Variants in IFITM1 observed in about 807,000 individuals in gnomAD.
IFITM1 encodes the protein interferon induced transmembrane protein 1, also known as interferon-induced transmembrane protein 1.
A neutral mutation model predicts 4.0 loss-of-function variants in IFITM1; 1 was observed. The ratio of observed to expected loss-of-function variants is 0.25; its 90% CI spans 0.09 to 1.18. IFITM1 has a LOEUF of 1.18. Ranked by LOEUF, IFITM1 falls within the 50% of genes most tolerant of loss-of-function variation. The pLI is 0.50. For synonymous variants in IFITM1, 79 were observed against 69.7 expected, an observed-to-expected ratio of 1.13 and a Z score of -0.67; for missense variants, 131 against 163.2, an observed-to-expected ratio of 0.80 and a Z score of 1.08.
In IFITM1 at chr11:314,491, C is replaced by T; in HGVS notation, c.186+135C>T. The T allele has an allele frequency of 2.0e-6, 2 of 1,016,680 alleles. No homozygotes were observed. The highest frequency in any genetic ancestry group is 1.5e-6 in the Non-Finnish European group (1 of 648,982). The allele number at this position is 1,016,680 out of a possible 1,614,324, so 63.0% of individuals were successfully genotyped here. On this transcript the variant is annotated intron_variant, in intron 1 of 1. Transcript: ENST00000408968. The surrounding 1 kb of genome is among the most constrained non-coding windows in gnomAD (Gnocchi z 4.5). ...TGTGCACCTCTGCCCCGTGTGTGCT[C>T]ACGTCAGTAGCTTTGTCTGTGTGAT...
At position 314,048 on chromosome 11, in the gene IFITM1, A is replaced by T. The variant is rs1328863551; in HGVS notation, c.-123A>T. The T allele has an allele frequency of 6.8e-6, 5 of 735,140 alleles. No individual in the cohort carries two copies. The highest frequency in any genetic ancestry group is 1.2e-5 in the Non-Finnish European group (5 of 428,294). The allele number at this position is 735,140 out of a possible 1,614,324, so 45.5% of individuals were successfully genotyped here. A position where few individuals can be genotyped will look rare whatever the true frequency, so the allele number is the denominator to read the frequency against. On this transcript the variant is annotated 5_prime_UTR_variant, in exon 1 of 2. Coordinates refer to ENST00000408968, the MANE Select transcript of IFITM1 (RefSeq NM_003641.5). This position sits in a 1 kb window ranked among gnomAD's most constrained non-coding sequence, Gnocchi z 4.5. ...CACACTTCTGAGAAACTGAAACGACAGGGGAAAGGAGGTCTCACTGAGCAC... is the reference window on the plus strand; with the variant it reads ...CACACTTCTGAGAAACTGAAACGACTGGGGAAAGGAGGTCTCACTGAGCAC...
Position 315,133 on chromosome 11 carries a change from AC to A in IFITM1, c.*22del. On this transcript the variant is annotated 3_prime_UTR_variant, in exon 2 of 2. Transcript: ENST00000408968. ...TACTAGTAGCCGCCCATAGCCTGCA[AC>A]CTTTGCACTCCACTGTGCAATGCTG... 1.2e-6 allele frequency: 2 copies of A among 1,611,830 alleles called. No homozygotes were observed. The highest frequency in any genetic ancestry group is 1.7e-6 in the Non-Finnish European group (2 of 1,178,458).
chr11:314,110 C>G lies in IFITM1; in HGVS notation c.-61C>G, dbSNP rs1469091061. 3.9e-6 allele frequency: 6 copies of G among 1,520,246 alleles called. No homozygotes were observed. The East Asian group carries it at 9.1e-5, about 23-fold the overall frequency. 94.2% of individuals were successfully genotyped at this position (1,520,246 alleles called of 1,614,324 possible). A position where few individuals can be genotyped will look rare whatever the true frequency, so the allele number is the denominator to read the frequency against. On this transcript the variant is annotated 5_prime_UTR_variant, in exon 1 of 2. Coordinates refer to ENST00000408968, the MANE Select transcript of IFITM1 (RefSeq NM_003641.5). This position sits in a 1 kb window ranked among gnomAD's most constrained non-coding sequence, Gnocchi z 4.5. ...CCGGACACCACAGCGGCCCTTCGCT[C>G]CACGCAGAAAACCACACTTCTCAAA...
rs1316349684 is a variant in IFITM1, at chr11:314,277, A to G, written c.107A>G (p.His36Arg). Residue 36 changes from histidine to arginine, a missense_variant, in exon 1 of 2, where the codon CAT (histidine) becomes CGT (arginine). His to Arg is a conservative substitution (Grantham distance 29). This residue lies in a region of IFITM1 where 77 missense variants were observed against 80.1 expected (regional missense o/e 0.96). Transcript: ENST00000408968. The surrounding 1 kb of genome is among the most constrained non-coding windows in gnomAD (Gnocchi z 4.5). ...CACAGCGAGACCTCCGTGCCCGACC[A>G]TGTCGTCTGGTCCCTGTTCAACACC... ...NIHSETSVPD[H>R]VVWSLFNTLF... The G allele has an allele frequency of 1.9e-6, 3 of 1,613,640 alleles. No homozygotes were observed. Among genetic ancestry groups the G allele is most frequent in the East Asian group, 2.2e-5 (1 of 44,854 alleles).
chr11:314,352 T>C lies in IFITM1; in HGVS notation c.182T>C (p.Val61Ala). ...CLGFIAFAYS[V>A]KSRDRKMVGD... ...GGCTTCATAGCATTCGCCTACTCCG[T>C]GAAGGTGCGTATGGCCCTGGCGGAA... Residue 61 changes from valine to alanine, a missense_variant, in exon 1 of 2, where the codon GTG (valine) becomes GCG (alanine). This residue lies in a region of IFITM1 where 77 missense variants were observed against 80.1 expected (regional missense o/e 0.96). Transcript: ENST00000408968. This position sits in a 1 kb window ranked among gnomAD's most constrained non-coding sequence, Gnocchi z 4.5. 1.2e-6 allele frequency: 2 copies of C among 1,613,922 alleles called. No individual in the cohort carries two copies. The highest frequency in any genetic ancestry group is 1.7e-6 in the Non-Finnish European group (2 of 1,179,836).
chr11:314,517 C>CTGTG lies in IFITM1; in HGVS notation c.186+172_186+175dup. The CTGTG allele has an allele frequency of 1.1e-6, 1 of 898,816 alleles. No individual in the cohort carries two copies. Among genetic ancestry groups the CTGTG allele is most frequent in the Non-Finnish European group, 1.8e-6 (1 of 549,912 alleles). 55.7% of individuals were successfully genotyped at this position (898,816 alleles called of 1,614,324 possible). A position where few individuals can be genotyped will look rare whatever the true frequency, so the allele number is the denominator to read the frequency against. On this transcript the variant is annotated intron_variant, in intron 1 of 1. Transcript: ENST00000408968. This position sits in a 1 kb window ranked among gnomAD's most constrained non-coding sequence, Gnocchi z 4.5. ...ACGTCAGTAGCTTTGTCTGTGTGATCTGTGTGTGTGTGTGGCTTTGGGGAA... is the reference window on the plus strand; with the variant it reads ...ACGTCAGTAGCTTTGTCTGTGTGATCTGTGTGTGTGTGTGTGTGGCTTTGGGGAA...
At position 314,183 on chromosome 11, in the gene IFITM1, G is replaced by A. The variant is rs1295235352; in HGVS notation, c.13G>A (p.Glu5Lys). ...CCAAAGCCAGAAGATGCACAAGGAGGAACATGAGGTGGCTGTGCTGGGGCC... is the reference window on the plus strand; with the variant it reads ...CCAAAGCCAGAAGATGCACAAGGAGAAACATGAGGTGGCTGTGCTGGGGCC... MHKEEHEVAVLGPPP... is the reference protein window; with the variant it reads MHKEKHEVAVLGPPP... The change falls in exon 1 of 2, where the codon GAA (glutamate) becomes AAA (lysine). Residue 5 changes from glutamate (E) to lysine (K), a missense_variant. By Grantham distance (56) the Glu-to-Lys change is moderately conservative (BLOSUM62 1). Coordinates refer to ENST00000408968, the MANE Select transcript of IFITM1 (RefSeq NM_003641.5). The surrounding 1 kb of genome is among the most constrained non-coding windows in gnomAD (Gnocchi z 4.5). 3 of 1,613,974 alleles carry A rather than the reference G, an allele frequency of 1.9e-6. No individual in the cohort carries two copies. The highest frequency in any genetic ancestry group is 1.7e-5 in the Admixed American group (1 of 60,016).
Position 315,126 on chromosome 11 carries a change from G to T in IFITM1, c.*13G>T, listed in dbSNP as rs966011432. The T allele has an allele frequency of 2.6e-5, 42 of 1,613,134 alleles. No homozygotes were observed. Among genetic ancestry groups the T allele is most frequent in the Non-Finnish European group, 3.2e-5 (38 of 1,179,344 alleles). ...ACGGGGTTACTAGTAGCCGCCCATA[G>T]CCTGCAACCTTTGCACTCCACTGTG... On this transcript the variant is annotated 3_prime_UTR_variant, in exon 2 of 2. Transcript: ENST00000408968.
rs765582294 is a variant in IFITM1 at position 315,018 on chromosome 11, C to T, written c.283C>T (p.Leu95Phe). 2 of 1,614,186 alleles carry T rather than the reference C, an allele frequency of 1.2e-6. No individual in the cohort carries two copies. Among genetic ancestry groups the T allele is most frequent in the Admixed American group, 3.3e-5 (2 of 60,026 alleles). Reference sequence around the variant, plus strand: ...CATCTGGGCCCTGATTCTGGGCATCCTCATGACCATTGGATTCATCCTGTT... The same window carrying T: ...CATCTGGGCCCTGATTCTGGGCATCTTCATGACCATTGGATTCATCCTGTT... Reference protein sequence around the residue: ...LNIWALILGILMTIGFILLLV... With the variant: ...LNIWALILGIFMTIGFILLLV... Residue 95 changes from leucine to phenylalanine, a missense_variant, in exon 2 of 2, where the codon CTC (leucine) becomes TTC (phenylalanine). Physicochemically the swap from Leu to Phe is conservative, Grantham distance 22 (BLOSUM62 0). This residue lies in a region of IFITM1 where 19 missense variants were observed against 53.0 expected (regional missense o/e 0.36). Coordinates refer to ENST00000408968, the MANE Select transcript of IFITM1 (RefSeq NM_003641.5).
rs1261516960 is a variant in IFITM1 at position 315,176 on chromosome 11, C to T, written c.*63C>T. On this transcript the variant is annotated 3_prime_UTR_variant, in exon 2 of 2. Transcript: ENST00000408968. ...GCAATGCTGGCCCTGCACGCTGGGG[C>T]TGTTGCCCCTGCCCCCTTGGTCCTG... 7 of 1,521,760 alleles carry T rather than the reference C, an allele frequency of 4.6e-6. No homozygotes were observed. Among genetic ancestry groups the T allele is most frequent in the Non-Finnish European group, 4.5e-6 (5 of 1,104,504 alleles). The allele number at this position is 1,521,760 out of a possible 1,614,324, so 94.3% of individuals were successfully genotyped here. A position where few individuals can be genotyped will look rare whatever the true frequency, so the allele number is the denominator to read the frequency against.
At position 314,123 on chromosome 11, in the gene IFITM1, C is replaced by T. The variant is rs1177567251; in HGVS notation, c.-48C>T. On this transcript the variant is annotated 5_prime_UTR_variant, in exon 1 of 2. Coordinates refer to ENST00000408968, the MANE Select transcript of IFITM1 (RefSeq NM_003641.5). The surrounding 1 kb of genome is among the most constrained non-coding windows in gnomAD (Gnocchi z 4.5). The stretch of plus-strand genomic sequence containing the variant: ...CGGCCCTTCGCTCCACGCAGAAAAC[C>T]ACACTTCTCAAACCTTCACTCAACA... The T allele has an allele frequency of 6.3e-7, 1 of 1,581,472 alleles. No homozygotes were observed. The highest frequency in any genetic ancestry group is 1.1e-5 in the South Asian group (1 of 90,220).
In IFITM1 at chr11:314,074, C is replaced by A; in HGVS notation, c.-97C>A. 2 of 1,027,074 alleles carry A rather than the reference C, an allele frequency of 1.9e-6. No individual in the cohort carries two copies. The highest frequency in any genetic ancestry group is 1.4e-5 in the South Asian group (1 of 72,234). The allele number at this position is 1,027,074 out of a possible 1,614,324, so 63.6% of individuals were successfully genotyped here. A position where few individuals can be genotyped will look rare whatever the true frequency, so the allele number is the denominator to read the frequency against. ...GGGGAAAGGAGGTCTCACTGAGCAC[C>A]GTCCCAGCATCCGGACACCACAGCG... On this transcript the variant is annotated 5_prime_UTR_variant, in exon 1 of 2. Coordinates refer to ENST00000408968, the MANE Select transcript of IFITM1 (RefSeq NM_003641.5). The surrounding 1 kb of genome is among the most constrained non-coding windows in gnomAD (Gnocchi z 4.5).
chr11:314,962 A>G lies in IFITM1; in HGVS notation c.227A>G (p.Gln76Arg), dbSNP rs779725500. 1 of 1,613,914 alleles carries G rather than the reference A, an allele frequency of 6.2e-7. No individual in the cohort carries two copies. Among genetic ancestry groups the G allele is most frequent in the Non-Finnish European group, 8.5e-7 (1 of 1,180,008 alleles). Residue 76 changes from glutamine to arginine, a missense_variant, in exon 2 of 2, where the codon CAG (glutamine) becomes CGG (arginine). By Grantham distance (43) the Gln-to-Arg change is conservative. This residue lies in a region of IFITM1 where 19 missense variants were observed against 53.0 expected (regional missense o/e 0.36). Coordinates refer to ENST00000408968, the MANE Select transcript of IFITM1 (RefSeq NM_003641.5). This position sits in a 1 kb window ranked among gnomAD's most constrained non-coding sequence, Gnocchi z 4.5. ...ATGGTTGGCGACGTGACCGGGGCCC[A>G]GGCCTATGCCTCCACCGCCAAGTGC... ...RKMVGDVTGA[Q>R]AYASTAKCLN...
chr11:314,959 C>G lies in IFITM1; in HGVS notation c.224C>G (p.Ala75Gly). 1 of 1,613,798 alleles carries G rather than the reference C, an allele frequency of 6.2e-7. No homozygotes were observed. Among genetic ancestry groups the G allele is most frequent in the Non-Finnish European group, 8.5e-7 (1 of 1,180,006 alleles). The change falls in exon 2 of 2, where the codon GCC (alanine) becomes GGC (glycine). Residue 75 changes from alanine (A) to glycine (G), a missense_variant. Transcript: ENST00000408968. The surrounding 1 kb of genome is among the most constrained non-coding windows in gnomAD (Gnocchi z 4.5). ...DRKMVGDVTG[A>G]QAYASTAKCL... ...AAGATGGTTGGCGACGTGACCGGGG[C>G]CCAGGCCTATGCCTCCACCGCCAAG...
Position 314,342 on chromosome 11 carries a change from G to T in IFITM1, c.172G>T (p.Ala58Ser). The T allele has an allele frequency of 6.2e-7, 1 of 1,613,932 alleles. No individual in the cohort carries two copies. Among genetic ancestry groups the T allele is most frequent in the African/African-American group, 1.3e-5 (1 of 75,036 alleles). ...GTGCTGTCTGGGCTTCATAGCATTC[G>T]CCTACTCCGTGAAGGTGCGTATGGC... ...NWCCLGFIAF[A>S]YSVKSRDRKM... The change falls in exon 1 of 2, where the codon GCC (alanine) becomes TCC (serine). Residue 58 changes from alanine (A) to serine (S), a missense_variant. Ala to Ser is a moderately conservative substitution (Grantham distance 99). This residue lies in a region of IFITM1 where 77 missense variants were observed against 80.1 expected (regional missense o/e 0.96). Coordinates refer to ENST00000408968, the MANE Select transcript of IFITM1 (RefSeq NM_003641.5). The surrounding 1 kb of genome is among the most constrained non-coding windows in gnomAD (Gnocchi z 4.5).
rs887718328 is a variant in IFITM1 at position 314,820 on chromosome 11, G to A, written c.187-102G>A. ...AGAGTCTGAGCCCGGGTGAGGAAGG[G>A]GAGGAGGTGGTCCCTGATCTCAGGG... On this transcript the variant is annotated intron_variant, in intron 1 of 1. Coordinates refer to ENST00000408968, the MANE Select transcript of IFITM1 (RefSeq NM_003641.5). The surrounding 1 kb of genome is among the most constrained non-coding windows in gnomAD (Gnocchi z 4.5). The A allele has an allele frequency of 1.3e-6, 2 of 1,544,590 alleles. No homozygotes were observed. Among genetic ancestry groups the A allele is most frequent in the Non-Finnish European group, 1.8e-6 (2 of 1,131,926 alleles).
Position 314,637 on chromosome 11 carries a change from C to T in IFITM1, c.186+281C>T, listed in dbSNP as rs1846035566. 6.6e-6 allele frequency among the ~76,000 whole-genome samples: 1 copy of T among 152,228 alleles called. No homozygotes were observed. The highest frequency in any genetic ancestry group is 2.1e-4 in the South Asian group (1 of 4,832). On this transcript the variant is annotated intron_variant, in intron 1 of 1. Coordinates refer to ENST00000408968, the MANE Select transcript of IFITM1 (RefSeq NM_003641.5). This position sits in a 1 kb window ranked among gnomAD's most constrained non-coding sequence, Gnocchi z 4.5. Reference sequence around the variant, plus strand: ...ATCCATTAGCCCAGAGCAATTCTCCCTATAGCCCAGTAAGAAATTACACCC... The same window carrying T: ...ATCCATTAGCCCAGAGCAATTCTCCTTATAGCCCAGTAAGAAATTACACCC...
Position 314,519 on chromosome 11 carries a change from G to C in IFITM1, c.186+163G>C, listed in dbSNP as rs544910480. On this transcript the variant is annotated intron_variant, in intron 1 of 1. Coordinates refer to ENST00000408968, the MANE Select transcript of IFITM1 (RefSeq NM_003641.5). The surrounding 1 kb of genome is among the most constrained non-coding windows in gnomAD (Gnocchi z 4.5). ...GTCAGTAGCTTTGTCTGTGTGATCT[G>C]TGTGTGTGTGTGGCTTTGGGGAATC... The C allele has an allele frequency of 1.9e-4, 135 of 699,826 alleles. 1 individual carries two copies. Among genetic ancestry groups the C allele is most frequent in the African/African-American group, 1.8e-3 (101 of 56,900 alleles). The allele number at this position is 699,826 out of a possible 1,614,324, so 43.4% of individuals were successfully genotyped here. A position where few individuals can be genotyped will look rare whatever the true frequency, so the allele number is the denominator to read the frequency against.
chr11:314,209 A>AC lies in IFITM1; in HGVS notation c.45dup (p.Ser16GlnfsTer49). 1.2e-6 allele frequency: 2 copies of AC among 1,612,196 alleles called. No individual in the cohort carries two copies. The highest frequency in any genetic ancestry group is 2.2e-5 in the East Asian group (1 of 44,838). ...AACATGAGGTGGCTGTGCTGGGGCC[A>AC]CCCCCCAGCACCATCCTTCCAAGGT... On this transcript the variant is annotated frameshift_variant, in exon 1 of 2. Transcript: ENST00000408968. LOFTEE classifies it high-confidence loss of function. The surrounding 1 kb of genome is among the most constrained non-coding windows in gnomAD (Gnocchi z 4.5).
Sources: gnomAD v4.1 joint callset for allele counts (sites outside exome capture counted in the v4.1 genomes callset) on GRCh38, gnomAD v4.1.1 for gene constraint, gnomAD v4.1.1 regional missense constraint, Gnocchi (gnomAD v3.1) non-coding constraint, MANE v1.5 for transcripts, NCBI Gene and HGNC (gene_info 2026-07-23, HGNC 2026-07-21) for gene names.